BOK: variants seen among roughly 807,000 people sequenced by gnomAD.
BOK encodes the protein bcl-2-related ovarian killer protein.
A neutral mutation model predicts 18.3 loss-of-function variants in BOK; 20 were observed. The ratio of observed to expected loss-of-function variants is 1.09; its 90% confidence interval spans 0.77 to 1.59. The LOEUF (loss-of-function observed/expected upper bound fraction) is 1.59, where lower values mean the gene tolerates loss of function less well. Ranked by LOEUF, BOK falls within the 40% of genes most tolerant of loss-of-function variation. The pLI is 0.00. For synonymous variants in BOK, 173 were observed against 142.4 expected, an observed-to-expected ratio of 1.21 and a Z score of -1.53; for missense variants, 348 against 307.9, an observed-to-expected ratio of 1.13 and a Z score of -0.97.
At chr2:241,553,702 A>G (rs1027168456) in intron 1 of BOK, among the ~76,000 whole-genome samples, 2 of 152,074 alleles carry the variant, frequency 1.3e-5, no homozygotes, top group African/African-American at 4.8e-5. Flanking sequence ...TCATCCAATC[A>G]TCTCCCACCA....
chr2:241,573,736 C>G lies in BOK; in HGVS notation c.*1314C>G, dbSNP rs949088750. 3 of 152,282 alleles carry G rather than the reference C, an allele frequency of 2.0e-5. No individual in the cohort carries two copies. Among genetic ancestry groups the G allele is most frequent in the African/African-American group, 7.2e-5 (3 of 41,474 alleles). The allele number at this position is 152,282 out of a possible 1,614,324, so 9.4% of individuals were successfully genotyped here. A position where few individuals can be genotyped will look rare whatever the true frequency, so the allele number is the denominator to read the frequency against. On this transcript the variant is annotated 3_prime_UTR_variant, in exon 5 of 5. Coordinates refer to ENST00000318407, the MANE Select transcript of BOK (RefSeq NM_032515.5). ...TGCTATTTTTGTGCTCATCCTCATACAACCATTTGGGGATGTGCCTATTAG... is the reference window on the plus strand; with the variant it reads ...TGCTATTTTTGTGCTCATCCTCATAGAACCATTTGGGGATGTGCCTATTAG...
chr2:241,552,860 C>T (rs149057301), intron 1 of BOK, among the ~76,000 whole-genome samples: 1 of 152,352 alleles, frequency 6.6e-6, no homozygotes, highest in East Asian at 1.9e-4. Context: ...CAGAGGCAGC[C>T]TGCAGTGACC....
chr2:241,562,278 G>A lies in BOK; in HGVS notation c.221-70G>A, dbSNP rs2066537234. ...CAGGTGGGGGTCAGGTGCAGGGTGT[G>A]CCCCAAGCCAGTCGTGTCCCAGGAA... On this transcript the variant is annotated intron_variant, in intron 2 of 4. Coordinates refer to ENST00000318407, the MANE Select transcript of BOK (RefSeq NM_032515.5). The surrounding 1 kb of genome is among the most constrained non-coding windows in gnomAD (Gnocchi z 4.5). The A allele has an allele frequency of 6.5e-7, 1 of 1,526,742 alleles. No homozygotes were observed. The highest frequency in any genetic ancestry group is 8.8e-7 in the Non-Finnish European group (1 of 1,137,756). The allele number at this position is 1,526,742 out of a possible 1,614,324, so 94.6% of individuals were successfully genotyped here. A position where few individuals can be genotyped will look rare whatever the true frequency, so the allele number is the denominator to read the frequency against.
chr2:241,553,974 C>T (rs2066433056), upstream of BOK, among the ~76,000 whole-genome samples: 1 of 152,158 alleles, frequency 6.6e-6, no homozygotes, highest in South Asian at 2.1e-4. Context: ...TGCCTCAGAC[C>T]CACTGGGCAA....
chr2:241,569,996 C>T (rs1053244459), intron 3 of BOK, 129 bp from the exon 4 acceptor site: 2 of 1,219,774 alleles, frequency 1.6e-6, no homozygotes, highest in Non-Finnish European at 1.1e-6. Context: ...AGCGGTCCCC[C>T]CTTGGGACGG....
At chr2:241,569,378 G>GTGATCTGCCCA (rs2066668892) in intron 3 of BOK, among the ~76,000 whole-genome samples, 3 of 151,994 alleles carry the variant, frequency 2.0e-5, no homozygotes, top group Admixed American at 6.6e-5. Context: ...TGATCTGCCC[G>GTGATCTGCCCA]CCTCGGCCTC....
rs12619721 is a variant in BOK at position 241,571,043 on chromosome 2, G to A, written c.513+755G>A. The stretch of plus-strand genomic sequence containing the variant: ...CGAGGGTGCAGAGGTACGGGAGGGA[G>A]TGGCGGATGGGTGGTCACCTGAGCA... On this transcript the variant is annotated intron_variant, in intron 4 of 4. Coordinates refer to ENST00000318407, the MANE Select transcript of BOK (RefSeq NM_032515.5). Among the ~76,000 whole-genome samples the A allele has an allele frequency of 0.01, 1,063 of 103,760 alleles. 172 individuals carry two copies. In the East Asian group the frequency reaches 0.16, roughly 16 times the overall value. 68.1% of individuals were successfully genotyped at this position (103,760 alleles called of 152,430 possible). A position where few individuals can be genotyped will look rare whatever the true frequency, so the allele number is the denominator to read the frequency against.
Position 241,573,436 on chromosome 2 carries a change from A to G in BOK, c.*1014A>G, listed in dbSNP as rs1276147800. On this transcript the variant is annotated 3_prime_UTR_variant, in exon 5 of 5. Coordinates refer to ENST00000318407, the MANE Select transcript of BOK (RefSeq NM_032515.5). ...GAGTCCTCAGGGGCCCTGCACATTCAATCTGAAGGTGACCCTGGCCTGGCT... is the reference window on the plus strand; with the variant it reads ...GAGTCCTCAGGGGCCCTGCACATTCGATCTGAAGGTGACCCTGGCCTGGCT... The G allele has an allele frequency of 6.6e-6, 1 of 152,370 alleles. No individual in the cohort carries two copies. Among genetic ancestry groups the G allele is most frequent in the Non-Finnish European group, 1.5e-5 (1 of 68,144 alleles). 9.4% of individuals were successfully genotyped at this position (152,370 alleles called of 1,614,324 possible).
intron 2 of BOK, among the ~76,000 whole-genome samples, 160 bp downstream of exon 2, chr2:241,559,863 C>T (rs1179966209): frequency 6.6e-6 from 1 of 152,222 alleles, no homozygotes; most frequent in Admixed American, 6.5e-5. Flanking sequence ...GCTCCCGGAT[C>T]TGCCCTCTCA....
Position 241,572,587 on chromosome 2 carries a change from T to C in BOK, c.*165T>C. 3.6e-6 allele frequency: 4 copies of C among 1,118,930 alleles called. No individual in the cohort carries two copies. Among genetic ancestry groups the C allele is most frequent in the Non-Finnish European group, 5.0e-6 (4 of 805,694 alleles). The allele number at this position is 1,118,930 out of a possible 1,614,324, so 69.3% of individuals were successfully genotyped here. On this transcript the variant is annotated 3_prime_UTR_variant, in exon 5 of 5. Coordinates refer to ENST00000318407, the MANE Select transcript of BOK (RefSeq NM_032515.5). The stretch of plus-strand genomic sequence containing the variant: ...GCAGACCCAGGCCCTCCGGAAGGGG[T>C]GAGTGGGGAGGGGCTTTCCTGAGCC...
Position 241,572,357 on chromosome 2 carries a change from G to A in BOK, c.574G>A (p.Ala192Thr). ...DPGLRSHWLVAALCSFGRFLK... is the reference protein window; with the variant it reads ...DPGLRSHWLVTALCSFGRFLK... ...TGGCCTCCGCTCCCACTGGCTGGTG[G>A]CTGCACTCTGCAGCTTCGGCCGCTT... Residue 192 changes from alanine to threonine, a missense_variant, in exon 5 of 5, where the codon GCT becomes ACT. Coordinates refer to ENST00000318407, the MANE Select transcript of BOK (RefSeq NM_032515.5). The A allele has an allele frequency of 6.2e-7, 1 of 1,608,832 alleles. No individual in the cohort carries two copies.
chr2:241,572,490 A>C lies in BOK; in HGVS notation c.*68A>C. On this transcript the variant is annotated 3_prime_UTR_variant, in exon 5 of 5. Transcript: ENST00000318407. ...AACGCAGGAGGCCCTCAGCACCCGA[A>C]CACATCTTCCTCCTCCCCACCCGAG... 1 of 1,541,962 alleles carries C rather than the reference A, an allele frequency of 6.5e-7. No homozygotes were observed. The highest frequency in any genetic ancestry group is 1.2e-5 in the South Asian group (1 of 84,340).
At chr2:241,571,082 TGGGTGAGGCAGG>T (rs983773135) in intron 4 of BOK, among the ~76,000 whole-genome samples, 1 of 61,780 alleles carries the variant, frequency 1.6e-5, no homozygotes, top group African/African-American at 6.9e-5. Flanking sequence ...CTGGGGGAGA[TGGGTGAGGCAGG>T]GGGTGGGGCA....
chr2:241,564,371 C>T (rs552520039), intron 3 of BOK, among the ~76,000 whole-genome samples: 34 of 152,352 alleles, frequency 2.2e-4, no homozygotes, highest in African/African-American at 7.7e-4. Context: ...AGCCTGGACT[C>T]TGTCACTGCT....
chr2:241,571,964 G>C (rs917484199), intron 4 of BOK, among the ~76,000 whole-genome samples: 3 of 152,208 alleles, frequency 2.0e-5, no homozygotes, highest in Non-Finnish European at 4.4e-5. Flanking sequence ...GAGGGGAGCT[G>C]GCACCCTGGT....
At position 241,567,922 on chromosome 2, in the gene BOK, C is replaced by T. The variant is rs564751837; in HGVS notation, c.350-2203C>T. On this transcript the variant is annotated intron_variant, in intron 3 of 4. Transcript: ENST00000318407. ...TTTATCACCCCAGAATGCCTGTGCC[C>T]GTGGCCGCCACCGCCATTCCCCACC... Among the ~76,000 whole-genome samples, 21 of 152,070 alleles carry T rather than the reference C, an allele frequency of 1.4e-4. 4 individuals carry two copies. Among genetic ancestry groups the T allele is most frequent in the East Asian group, 7.8e-4 (4 of 5,150 alleles).
chr2:241,552,457 G>C (rs870301), intron 1 of BOK, among the ~76,000 whole-genome samples: 3 of 151,996 alleles, frequency 2.0e-5, no homozygotes, highest in African/African-American at 7.2e-5. Flanking sequence ...TACCATCCAC[G>C]CCCCTGCACA....
intron 3 of BOK, among the ~76,000 whole-genome samples, chr2:241,569,869 T>A (rs2066678015): frequency 6.6e-6 from 1 of 152,184 alleles, no homozygotes; most frequent in South Asian, 2.1e-4. Flanking sequence ...CTCAGTTCCC[T>A]CGCCTCACCC....
Position 241,572,385 on chromosome 2 carries a change from T to C in BOK, c.602T>C (p.Leu201Pro). ...VAALCSFGRF[L>P]KAAFFVLLPE... ...GCACTCTGCAGCTTCGGCCGCTTCC[T>C]GAAGGCTGCCTTCTTCGTGCTGCTG... is the stretch of plus-strand genomic sequence containing the variant. The change falls in exon 5 of 5, where the codon CTG (leucine) becomes CCG (proline). Residue 201 changes from leucine to proline, a missense_variant. By Grantham distance (98) the Leu-to-Pro change is moderately conservative. Coordinates refer to ENST00000318407, the MANE Select transcript of BOK (RefSeq NM_032515.5). 1 of 1,604,422 alleles carries C rather than the reference T, an allele frequency of 6.2e-7. No individual in the cohort carries two copies. The highest frequency in any genetic ancestry group is 8.5e-7 in the Non-Finnish European group (1 of 1,179,116).
Sources: allele counts gnomAD v4.1 joint callset (sites outside exome capture counted in the v4.1 genomes callset), GRCh38; gene constraint gnomAD v4.1.1; non-coding constraint Gnocchi (gnomAD v3.1); transcripts MANE v1.5; gene names NCBI Gene and HGNC (gene_info 2026-07-23, HGNC 2026-07-21).